AKAP7: variants seen among roughly 807,000 people sequenced by gnomAD.
AKAP7 encodes A-kinase anchoring protein 7, also known as A kinase (PRKA) anchor protein 7.
A neutral mutation model predicts 39.5 loss-of-function variants in AKAP7; 39 were observed. The ratio of observed to expected loss-of-function variants is 0.99; its 90% CI spans 0.76 to 1.29. The LOEUF (loss-of-function observed/expected upper bound fraction) is 1.29. Among genes scored for constraint, AKAP7 ranks in the 50% most tolerant of loss-of-function variants. The probability of loss-of-function intolerance (pLI) is 0.00; values close to 1 mark genes in which losing one functional copy is unlikely to be tolerated. For missense variants in AKAP7, 414 were observed against 407.7 expected, an observed-to-expected ratio of 1.02 and a Z score of -0.13; for synonymous variants, 140 against 139.1, an observed-to-expected ratio of 1.01 and a Z score of -0.05.
chr6:131,180,931 G>A (rs1805158468), intron 5 of AKAP7, among the ~76,000 whole-genome samples: 1 of 149,056 alleles, frequency 6.7e-6, no homozygotes, highest in South Asian at 2.1e-4. Flanking sequence ...TTAGATTTCT[G>A]GACCTGACTC....
intron 6 of AKAP7, among the ~76,000 whole-genome samples, chr6:131,205,192 A>G (rs949262714): frequency 6.6e-6 from 1 of 151,712 alleles, no homozygotes; most frequent in Non-Finnish European, 1.5e-5. Context: ...ACCAATTGAG[A>G]TTTTTTTTTA....
intron 7 of AKAP7, among the ~76,000 whole-genome samples, chr6:131,223,670 C>G (rs771740062): frequency 6.6e-6 from 1 of 152,084 alleles, no homozygotes; most frequent in African/African-American, 2.4e-5. Flanking sequence ...GCCAGCTTCC[C>G]CTATCTTCTC....
At chr6:131,139,732 T>A (rs1383553057) in intron 1 of AKAP7, among the ~76,000 whole-genome samples, 1 of 152,230 alleles carries the variant, frequency 6.6e-6, no homozygotes, top group Non-Finnish European at 1.5e-5. Context: ...GTGCTAGGCA[T>A]GGAGGAATCA....
At chr6:131,151,763 GA>G (rs1801942564) in intron 2 of AKAP7, among the ~76,000 whole-genome samples, 1 of 152,114 alleles carries the variant, frequency 6.6e-6, no homozygotes, top group Non-Finnish European at 1.5e-5. Flanking sequence ...AATATCCTAT[GA>G]AATATAGAAG....
At chr6:131,142,112 T>C (rs1584931928) in intron 1 of AKAP7, among the ~76,000 whole-genome samples, 1 of 152,132 alleles carries the variant, frequency 6.6e-6, no homozygotes, top group East Asian at 1.9e-4. Flanking sequence ...ATTTGCAGCT[T>C]AGGCTTGTGG....
At chr6:131,248,786 A>G (rs1812230048) in intron 7 of AKAP7, among the ~76,000 whole-genome samples, 1 of 152,150 alleles carries the variant, frequency 6.6e-6, no homozygotes, top group Non-Finnish European at 1.5e-5. Context: ...GGTTTATATT[A>G]TTGCTTTTAG....
chr6:131,195,101 G>T (rs1389348871), intron 5 of AKAP7, among the ~76,000 whole-genome samples: 1 of 151,772 alleles, frequency 6.6e-6, no homozygotes, highest in Non-Finnish European at 1.5e-5. Flanking sequence ...TTGTTTTGTG[G>T]TCCTCTCCTC....
At chr6:131,145,962 C>T (rs926289654) in intron 2 of AKAP7, among the ~76,000 whole-genome samples, 8 of 152,120 alleles carry the variant, frequency 5.3e-5, no homozygotes, top group African/African-American at 1.4e-4. Context: ...ATAATATTGA[C>T]GTGTGTCACA....
intron 6 of AKAP7, among the ~76,000 whole-genome samples, chr6:131,211,062 C>T (rs1333764845): frequency 6.6e-6 from 1 of 152,126 alleles, no homozygotes; most frequent in Non-Finnish European, 1.5e-5. Flanking sequence ...CACATATATC[C>T]TTATTGGCAG....
the AKAP7 span, among the ~76,000 whole-genome samples, chr6:131,129,024 C>T: frequency 2.0e-4 from 31 of 151,816 alleles, no homozygotes; most frequent in Non-Finnish European, 2.6e-4. Flanking sequence ...CGGTGGCTCA[C>T]GCCTGTAATC....
chr6:131,227,564 G>A (rs191289340), intron 7 of AKAP7, among the ~76,000 whole-genome samples: 165 of 152,312 alleles, frequency 1.1e-3, no homozygotes, highest in African/African-American at 3.9e-3. Context: ...AGATAAGACC[G>A]TTAATTAATT....
At chr6:131,226,488 C>T (rs764756619) in intron 7 of AKAP7, among the ~76,000 whole-genome samples, 1 of 152,138 alleles carries the variant, frequency 6.6e-6, no homozygotes, top group East Asian at 1.9e-4. Flanking sequence ...AAGGTGAAAA[C>T]CCTACTTCTT....
At chr6:131,195,087 CTGTT>C (rs2128277205) in intron 5 of AKAP7, among the ~76,000 whole-genome samples, 1 of 151,944 alleles carries the variant, frequency 6.6e-6, no homozygotes, top group Admixed American at 6.6e-5. Flanking sequence ...TATTTGTTTT[CTGTT>C]TGTTTTGTGG....
intron 7 of AKAP7, among the ~76,000 whole-genome samples, chr6:131,271,645 T>C (rs995125831): frequency 2.0e-5 from 3 of 152,078 alleles, no homozygotes; most frequent in Non-Finnish European, 2.9e-5. Flanking sequence ...GATTTTTTTT[T>C]TAACAAATAC....
At chr6:131,184,554 C>T in intron 5 of AKAP7, 1 of 723,402 alleles carries the variant, frequency 1.4e-6, no homozygotes, top group East Asian at 2.5e-5. Flanking sequence ...GTCTTCACTG[C>T]CCCATCATCA....
chr6:131,175,877 C>G (rs1348035534), intron 5 of AKAP7, among the ~76,000 whole-genome samples: 1 of 152,170 alleles, frequency 6.6e-6, no homozygotes, highest in Non-Finnish European at 1.5e-5. Context: ...TTCAATTGTA[C>G]TTCTCCACAA....
intron 1 of AKAP7, among the ~76,000 whole-genome samples, chr6:131,140,213 A>C (rs1800913410): frequency 6.6e-6 from 1 of 152,160 alleles, no homozygotes; most frequent in African/African-American, 2.4e-5. Context: ...GGTTGGCCTA[A>C]TCTCCAGAGA....
intron 7 of AKAP7, 61 bp downstream of exon 7, chr6:131,219,869 A>G: frequency 8.6e-7 from 1 of 1,158,564 alleles, no homozygotes; most frequent in Non-Finnish European, 1.2e-6. Context: ...CATCACTTTT[A>G]TCTTGGCAAA....
intron 1 of AKAP7, among the ~76,000 whole-genome samples, chr6:131,138,684 A>G (rs1800779463): frequency 6.6e-6 from 1 of 152,254 alleles, no homozygotes; most frequent in African/African-American, 2.4e-5. Context: ...TTCCAGTTCC[A>G]GCCCCAAGAC....
Sources: gnomAD v4.1 joint callset for allele counts (sites outside exome capture counted in the v4.1 genomes callset) on GRCh38, gnomAD v4.1.1 for gene constraint, MANE v1.5 for transcripts, NCBI Gene and HGNC (gene_info 2026-07-23, HGNC 2026-07-21) for gene names.